The following ENAH variants were observed in gnomAD, a reference collection of about 807,000 sequenced individuals.
ENAH encodes the protein protein enabled homolog.
Under a neutral mutation model 78.7 loss-of-function variants are expected in ENAH, and 23 were observed. That is an observed-to-expected ratio of 0.29 (90% confidence interval 0.21 to 0.41). The LOEUF (loss-of-function observed/expected upper bound fraction) is 0.41, where lower values mean the gene tolerates loss of function less well. Among genes scored for constraint, ENAH ranks in the 10% least tolerant of loss-of-function variants. ENAH has a pLI of 1.00. For missense variants in ENAH, 544 were observed against 691.0 expected (o/e 0.79, Z 2.39); for synonymous variants, 226 against 241.0 (o/e 0.94, Z 0.58).
chr1:225,628,346 A>G (rs1658327220), intron 1 of ENAH, among the ~76,000 whole-genome samples: 3 of 152,194 alleles, frequency 2.0e-5, no homozygotes, highest in African/African-American at 4.8e-5. Flanking sequence ...CTGGAAATCC[A>G]TCTTAAGGAA....
chr1:225,504,024 TA>T (rs1232062038), intron 11 of ENAH, among the ~76,000 whole-genome samples: 1 of 150,596 alleles, frequency 6.6e-6, no homozygotes, highest in Non-Finnish European at 1.5e-5. Context: ...TTTTTTTTCC[TA>T]AAAGAGGGTC....
chr1:225,631,355 A>AG (rs1658996205), intron 1 of ENAH, among the ~76,000 whole-genome samples: 1 of 151,744 alleles, frequency 6.6e-6, no homozygotes. Flanking sequence ...GGATCACCTG[A>AG]GGTCAGGAGT....
intron 1 of ENAH, among the ~76,000 whole-genome samples, chr1:225,625,793 G>A (rs1311660738): frequency 6.6e-6 from 1 of 152,176 alleles, no homozygotes; most frequent in East Asian, 1.9e-4. Flanking sequence ...TGGGATTACA[G>A]GCATGAGCCA....
Position 225,492,752 on chromosome 1 carries a change from C to T in ENAH, c.*5023G>A, listed in dbSNP as rs2096228289. 1 of 152,170 alleles carries T rather than the reference C, an allele frequency of 6.6e-6. No homozygotes were observed. Among genetic ancestry groups the T allele is most frequent in the Non-Finnish European group, 1.5e-5 (1 of 68,038 alleles). 9.4% of individuals were successfully genotyped at this position (152,170 alleles called of 1,614,324 possible). ...TCTGTAACGGGGACAGTCCTATTTCCCTTTCTCAATTTTCAGATGTATCGA... is the reference window on the plus strand; with the variant it reads ...TCTGTAACGGGGACAGTCCTATTTCTCTTTCTCAATTTTCAGATGTATCGA... On this transcript the variant is annotated 3_prime_UTR_variant, in exon 14 of 14. Coordinates refer to ENST00000366843, the MANE Select transcript of ENAH (RefSeq NM_018212.6).
In ENAH at chr1:225,495,457, T is replaced by TTG. The variant is rs386369811; in HGVS notation, c.*2317_*2318insCA. 609 of 7,100 alleles carry TTG rather than the reference T, an allele frequency of 0.086. 6 individuals are homozygous for TTG. Among genetic ancestry groups the TTG allele is most frequent in the African/African-American group, 0.3 (568 of 1,892 alleles). The allele number at this position is 7,100 out of a possible 1,614,324, so 0.4% of individuals were successfully genotyped here. ...GAAATATAGCATGATTCAACACTGG[T>TTG]TTTTTTTTTTTTTTTTTTTTGTCAG... On this transcript the variant is annotated 3_prime_UTR_variant, in exon 14 of 14. Transcript: ENST00000366843.
Position 225,494,383 on chromosome 1 carries a change from A to G in ENAH, c.*3392T>C, listed in dbSNP as rs752564223. On this transcript the variant is annotated 3_prime_UTR_variant, in exon 14 of 14. Coordinates refer to ENST00000366843, the MANE Select transcript of ENAH (RefSeq NM_018212.6). ...ACATATTTTGCTATACTTAAAATTCATTACTCAATAATGCCCTTTACCACA... is the reference window on the plus strand; with the variant it reads ...ACATATTTTGCTATACTTAAAATTCGTTACTCAATAATGCCCTTTACCACA... 8 of 152,338 alleles carry G rather than the reference A, an allele frequency of 5.3e-5. No individual in the cohort carries two copies. The highest frequency in any genetic ancestry group is 1.2e-4 in the Non-Finnish European group (8 of 68,014). 9.4% of individuals were successfully genotyped at this position (152,338 alleles called of 1,614,324 possible).
intron 1 of ENAH, among the ~76,000 whole-genome samples, chr1:225,570,958 C>G (rs906802139): frequency 6.6e-6 from 1 of 151,882 alleles, no homozygotes; most frequent in African/African-American, 2.4e-5. Flanking sequence ...AGCGAAACTC[C>G]GTCTCAAAAA....
chr1:225,640,773 CA>C (rs1660880844), intron 1 of ENAH, among the ~76,000 whole-genome samples: 1 of 151,698 alleles, frequency 6.6e-6, no homozygotes, highest in Non-Finnish European at 1.5e-5. Flanking sequence ...ACAGCGATTA[CA>C]TTTTTTTTAA....
At chr1:225,590,919 A>G (rs1291491661) in intron 1 of ENAH, among the ~76,000 whole-genome samples, 3 of 152,202 alleles carry the variant, frequency 2.0e-5, no homozygotes, top group Non-Finnish European at 4.4e-5. Flanking sequence ...ATATCCTACA[A>G]TTTCTGCAAA....
intron 2 of ENAH, among the ~76,000 whole-genome samples, chr1:225,562,682 T>C (rs1421738576): frequency 1.3e-5 from 2 of 151,242 alleles, no homozygotes; most frequent in African/African-American, 4.9e-5. Flanking sequence ...AACATATTTA[T>C]ATAATTGTAC....
intron 1 of ENAH, among the ~76,000 whole-genome samples, chr1:225,613,755 G>GT (rs982306591): frequency 2.6e-5 from 4 of 152,130 alleles, no homozygotes; most frequent in African/African-American, 9.7e-5. Context: ...AAAAAACAGT[G>GT]TTTTTTCTAC....
At chr1:225,588,777 C>G (rs992515072) in intron 1 of ENAH, among the ~76,000 whole-genome samples, 3 of 140,766 alleles carry the variant, frequency 2.1e-5, no homozygotes, top group Admixed American at 7.6e-5. Context: ...TGCACTCCAG[C>G]CTGGCAATAG....
chr1:225,650,503 T>C (rs1662763566), intron 1 of ENAH, among the ~76,000 whole-genome samples: 1 of 152,204 alleles, frequency 6.6e-6, no homozygotes, highest in Admixed American at 6.5e-5. Flanking sequence ...ACGGTAACTT[T>C]TTTTTAGTTC....
In ENAH at chr1:225,496,696, T is replaced by C. The variant is rs187787533; in HGVS notation, c.*1079A>G. 8.8e-3 allele frequency: 1,344 copies of C among 152,792 alleles called. 9 individuals carry two copies. Among genetic ancestry groups the C allele is most frequent in the Non-Finnish European group, 0.016 (1,076 of 68,028 alleles). The allele number at this position is 152,792 out of a possible 1,614,324, so 9.5% of individuals were successfully genotyped here. ...AGATTAAGTACTTGGTTTTGTAACA[T>C]ATTTACCAATTAAAGTCACAAAATA... On this transcript the variant is annotated 3_prime_UTR_variant, in exon 14 of 14. Transcript: ENST00000366843.
At chr1:225,562,181 A>T (rs887951476) in intron 2 of ENAH, among the ~76,000 whole-genome samples, 4 of 151,768 alleles carry the variant, frequency 2.6e-5, no homozygotes, top group Non-Finnish European at 5.9e-5. Flanking sequence ...TCGGCCTCCC[A>T]AAGTACTGAG....
chr1:225,532,634 GT>G (rs1401840214), intron 3 of ENAH, among the ~76,000 whole-genome samples: 1 of 151,904 alleles, frequency 6.6e-6, no homozygotes, highest in Non-Finnish European at 1.5e-5. Flanking sequence ...TATTTAACAG[GT>G]TTTTAAAAAA....
At chr1:225,593,407 G>T (rs1210530453) in intron 1 of ENAH, among the ~76,000 whole-genome samples, 4,328 of 123,558 alleles carry the variant, frequency 0.035, 302 homozygotes, top group South Asian at 0.089. Flanking sequence ...GTGTGGGGGG[G>T]GGGGGGGGGG....
At chr1:225,647,862 T>C (rs1662253806) in intron 1 of ENAH, among the ~76,000 whole-genome samples, 1 of 152,086 alleles carries the variant, frequency 6.6e-6, no homozygotes, top group Non-Finnish European at 1.5e-5. Flanking sequence ...ATGCTAGTAT[T>C]TTGCTAGTAC....
At chr1:225,544,337 C>A (rs1187618249) in intron 3 of ENAH, among the ~76,000 whole-genome samples, 1 of 152,122 alleles carries the variant, frequency 6.6e-6, no homozygotes, top group African/African-American at 2.4e-5. Context: ...AGATGACATC[C>A]TCAGGTCATT....
Sources: gnomAD v4.1 joint callset for allele counts (sites outside exome capture counted in the v4.1 genomes callset) on GRCh38, gnomAD v4.1.1 for gene constraint, MANE v1.5 for transcripts, NCBI Gene and HGNC (gene_info 2026-07-23, HGNC 2026-07-21) for gene names.